The following HMCN2 variants were observed in gnomAD, a reference collection of about 807,000 sequenced individuals.
HMCN2 encodes hemicentin-2.
A neutral mutation model predicts 377.5 loss-of-function variants in HMCN2; 325 were observed. The ratio of observed to expected loss-of-function variants is 0.86; its 90% CI spans 0.79 to 0.94. The LOEUF (loss-of-function observed/expected upper bound fraction) is 0.94. Ranked by LOEUF, HMCN2 falls within the 40% of genes least tolerant of loss-of-function variation. HMCN2 has a pLI of 0.00. For synonymous variants in HMCN2, 2,007 were observed against 2,046.8 expected (o/e 0.98, Z 0.53); for missense variants, 4,543 against 4,725.3 (o/e 0.96, Z 1.13).
chr9:130,307,810 C>T (rs1460675096), intron 14 of HMCN2, among the ~76,000 whole-genome samples: 1 of 152,168 alleles, frequency 6.6e-6, no homozygotes. Flanking sequence ...ATTTGAATTC[C>T]GGCTTCCCTG....
At chr9:130,275,730 G>C (rs561707373) in intron 1 of HMCN2, among the ~76,000 whole-genome samples, 1 of 152,228 alleles carries the variant, frequency 6.6e-6, no homozygotes, top group African/African-American at 2.4e-5. Context: ...GATTACAGGC[G>C]TGAGCCACCA....
chr9:130,416,281 T>C (rs182108462), intron 85 of HMCN2, among the ~76,000 whole-genome samples: 1 of 152,154 alleles, frequency 6.6e-6, no homozygotes, highest in Non-Finnish European at 1.5e-5. Context: ...ATTTTTGTAA[T>C]TTTAGTTGAG....
At chr9:130,374,077 T>C (rs1841238449) in intron 48 of HMCN2, among the ~76,000 whole-genome samples, 1 of 151,304 alleles carries the variant, frequency 6.6e-6, no homozygotes, top group Non-Finnish European at 1.5e-5. Flanking sequence ...GATGAATGGA[T>C]GGTTGGATAG....
intron 71 of HMCN2, 120 bp from the exon 72 acceptor site, chr9:130,395,804 C>G: frequency 9.2e-7 from 1 of 1,081,974 alleles, no homozygotes; most frequent in Admixed American, 3.2e-5. Context: ...TGCGGTCAGC[C>G]TGGAAGTACA....
intron 63 of HMCN2, 24 bp from the exon 64 acceptor site, chr9:130,391,180 G>A: frequency 2.0e-6 from 2 of 988,056 alleles, no homozygotes; most frequent in Non-Finnish European, 1.2e-6. Flanking sequence ...CATCACCCAG[G>A]GCCTCACTGC....
intron 86 of HMCN2, among the ~76,000 whole-genome samples, chr9:130,420,310 G>A (rs1843931090): frequency 1.3e-5 from 2 of 151,778 alleles, no homozygotes; most frequent in African/African-American, 4.8e-5. Flanking sequence ...TCCTGACCTC[G>A]TGATCCGCCC....
intron 72 of HMCN2, 43 bp downstream of exon 72, chr9:130,396,108 A>AAAAACCCCC (rs2131695681): frequency 8.2e-6 from 3 of 363,668 alleles, no homozygotes; most frequent in Non-Finnish European, 6.8e-6. Context: ...ACCTTACCCC[A>AAAAACCCCC]CCCTGCCCAC....
intron 86 of HMCN2, among the ~76,000 whole-genome samples, chr9:130,421,542 G>A (rs897669877): frequency 6.6e-5 from 10 of 152,100 alleles, no homozygotes; most frequent in African/African-American, 1.2e-4. Flanking sequence ...CTTGCCTGCC[G>A]TGCCTGGGTT....
Position 130,353,035 on chromosome 9 carries a change from C to T in HMCN2, c.4694C>T (p.Thr1565Ile), listed in dbSNP as rs577091595. ...EARGVPTPNI[T>I]WFKDGALLPT... ...CGAGGAGTGCCCACCCCAAACATCA[C>T]CTGGTTCAAGGACGGGGCCCTGCTC... The change falls in exon 31 of 98, where the codon ACC (threonine) becomes ATC (isoleucine). Residue 1565 changes from threonine to isoleucine, a missense_variant. This residue lies in a region of HMCN2 where 1,032 missense variants were observed against 1,285.1 expected (regional missense o/e 0.80). Coordinates refer to ENST00000683500, the MANE Select transcript of HMCN2 (RefSeq NM_001291815.2). The T allele has an allele frequency of 7.7e-7, 1 of 1,304,096 alleles. No individual in the cohort carries two copies. Among genetic ancestry groups the T allele is most frequent in the Admixed American group, 2.3e-5 (1 of 43,546 alleles). The allele number at this position is 1,304,096 out of a possible 1,614,324, so 80.8% of individuals were successfully genotyped here.
intron 15 of HMCN2, among the ~76,000 whole-genome samples, chr9:130,310,448 C>T (rs1837179454): frequency 6.6e-6 from 1 of 151,654 alleles, no homozygotes; most frequent in African/African-American, 2.4e-5. Context: ...ACTCGTGGGG[C>T]TGTTGGCAGG....
At chr9:130,296,235 C>T (rs1275761411) in intron 6 of HMCN2, among the ~76,000 whole-genome samples, 2 of 152,190 alleles carry the variant, frequency 1.3e-5, no homozygotes, top group Non-Finnish European at 2.9e-5. Flanking sequence ...AGTGGGGGCT[C>T]CTGCTGACCA....
intron 75 of HMCN2, among the ~76,000 whole-genome samples, chr9:130,398,947 A>G (rs1413075102): frequency 6.6e-6 from 1 of 152,092 alleles, no homozygotes; most frequent in Non-Finnish European, 1.5e-5. Context: ...CACCAGAGTC[A>G]CTCTTGTCTA....
In HMCN2 at chr9:130,427,338, G is replaced by C; in HGVS notation, c.13905G>C (p.Glu4635Asp). The part of the protein sequence containing the change: ...QAEENEVGCP[E>D]GFELDSQGAF... ...AGGAGAACGAGGTCGGCTGCCCCGAGGGCTTTGAGCTGGACTCCCAGGGAG... is the reference window on the plus strand; with the variant it reads ...AGGAGAACGAGGTCGGCTGCCCCGACGGCTTTGAGCTGGACTCCCAGGGAG... The change falls in exon 91 of 98, where the codon GAG becomes GAC. Residue 4635 changes from glutamate (E) to aspartate (D), a missense_variant. Physicochemically the swap from Glu to Asp is conservative, Grantham distance 45. Around this residue, in one of 5 missense-constraint regions of HMCN2, gnomAD observed 1,155 missense variants for 1,157.7 expected, o/e 1.00. Transcript: ENST00000683500. The C allele has an allele frequency of 6.4e-7, 1 of 1,550,584 alleles. No homozygotes were observed. The highest frequency in any genetic ancestry group is 8.7e-7 in the Non-Finnish European group (1 of 1,146,988).
chr9:130,274,411 G>A (rs146785007), intron 1 of HMCN2, among the ~76,000 whole-genome samples: 3 of 152,212 alleles, frequency 2.0e-5, no homozygotes, highest in South Asian at 4.1e-4. Flanking sequence ...GCTTGGTCAC[G>A]GTGGATTATT....
chr9:130,306,361 A>C, intron 12 of HMCN2, 91 bp downstream of exon 12: 2 of 430,706 alleles, frequency 4.6e-6, no homozygotes, highest in Admixed American at 2.6e-5. Flanking sequence ...TCCTATCTGT[A>C]AATGGGGAAG....
At chr9:130,336,721 G>A (rs1330935947) in intron 22 of HMCN2, among the ~76,000 whole-genome samples, 1 of 152,320 alleles carries the variant, frequency 6.6e-6, no homozygotes, top group East Asian at 1.9e-4. Flanking sequence ...GGGTGTCATT[G>A]CACTACTCTG....
In HMCN2 at chr9:130,368,452, CG is replaced by C. The variant is rs1840817671; in HGVS notation, c.6787+20del. 1.0e-6 allele frequency: 1 copy of C among 985,624 alleles called. No homozygotes were observed. The highest frequency in any genetic ancestry group is 1.7e-5 in the African/African-American group (1 of 57,226). 61.1% of individuals were successfully genotyped at this position (985,624 alleles called of 1,614,324 possible). On this transcript the variant is annotated intron_variant, in intron 44 of 97. Coordinates refer to ENST00000683500, the MANE Select transcript of HMCN2 (RefSeq NM_001291815.2). ...GGAGGTGCACGGTGGGTGAGCTGGG[CG>C]GGGGCTGGAAGGGTCTGGGATCATG...
intron 52 of HMCN2, among the ~76,000 whole-genome samples, chr9:130,377,171 T>C (rs961988517): frequency 7.2e-5 from 11 of 151,938 alleles, no homozygotes; most frequent in African/African-American, 2.7e-4. Context: ...TGGAGTACAG[T>C]GGCACGATCT....
intron 32 of HMCN2, among the ~76,000 whole-genome samples, 154 bp downstream of exon 32, chr9:130,355,198 G>A (rs1195243045): frequency 6.6e-6 from 1 of 152,128 alleles, no homozygotes; most frequent in Non-Finnish European, 1.5e-5. Flanking sequence ...AGGACGCTGA[G>A]GCCTGGGCTG....
Sources: gnomAD v4.1 joint callset for allele counts (sites outside exome capture counted in the v4.1 genomes callset) on GRCh38, gnomAD v4.1.1 for gene constraint, gnomAD v4.1.1 regional missense constraint, MANE v1.5 for transcripts, NCBI Gene and HGNC (gene_info 2026-07-23, HGNC 2026-07-21) for gene names.